EBF1: variants seen among roughly 807,000 people sequenced by gnomAD.
EBF1 encodes the protein EBF transcription factor 1, also known as transcription factor COE1.
EBF1 carries 10 observed loss-of-function variants against 68.4 expected under a neutral mutation model. That is an observed-to-expected ratio of 0.15 (90% CI 0.09 to 0.25). The LOEUF (loss-of-function observed/expected upper bound fraction) is 0.25, where lower values mean the gene tolerates loss of function less well. EBF1 is among the 10% of genes least tolerant of loss of function. The pLI is 1.00. For synonymous variants in EBF1, 298 were observed against 299.8 expected (o/e 0.99, Z 0.06); for missense variants, 509 against 794.4 (o/e 0.64, Z 4.32).
chr5:158,967,296 T>G (rs1754368442), intron 6 of EBF1, among the ~76,000 whole-genome samples: 1 of 152,200 alleles, frequency 6.6e-6, no homozygotes, highest in Admixed American at 6.5e-5. Flanking sequence ...ATTCTTATTT[T>G]GGAAAGGCTA....
chr5:159,008,874 T>C (rs1379105954), intron 6 of EBF1, among the ~76,000 whole-genome samples: 3 of 152,122 alleles, frequency 2.0e-5, no homozygotes, highest in Non-Finnish European at 4.4e-5. Flanking sequence ...CTATAACAAG[T>C]AATATTAGCA....
In EBF1 at chr5:159,079,993, C is replaced by T. The variant is rs542959867; in HGVS notation, c.485+4673G>A. Among the ~76,000 whole-genome samples the T allele has an allele frequency of 7.9e-5, 12 of 152,212 alleles. No homozygotes were observed. In the East Asian group the frequency reaches 9.7e-4, roughly 12 times the overall value. ...TAACACACCCTGCCTTCTTGCTAAG[C>T]GTGATTATTCCCCCCAAGAATATAG... is the stretch of plus-strand genomic sequence containing the variant. On this transcript the variant is annotated intron_variant, in intron 5 of 15. Coordinates refer to ENST00000313708, the MANE Select transcript of EBF1 (RefSeq NM_024007.5).
At chr5:159,001,268 T>A (rs1158162491) in intron 6 of EBF1, among the ~76,000 whole-genome samples, 2 of 152,166 alleles carry the variant, frequency 1.3e-5, no homozygotes, top group Non-Finnish European at 2.9e-5. Flanking sequence ...AGAAAGAAAT[T>A]TTTTTTAATT....
At chr5:158,727,560 C>G (rs1024388504) in intron 11 of EBF1, among the ~76,000 whole-genome samples, 1 of 152,208 alleles carries the variant, frequency 6.6e-6, no homozygotes, top group Non-Finnish European at 1.5e-5. Flanking sequence ...TGAAACAGAA[C>G]AGAATGCTGT....
intron 10 of EBF1, among the ~76,000 whole-genome samples, chr5:158,750,765 C>CA (rs562505161): frequency 4.2e-4 from 62 of 145,890 alleles, no homozygotes; most frequent in South Asian, 6.5e-4. Context: ...CTACCACTTG[C>CA]AAAAAAAAAT....
chr5:158,734,859 C>T (rs1764847113), intron 10 of EBF1, among the ~76,000 whole-genome samples: 1 of 152,108 alleles, frequency 6.6e-6, no homozygotes, highest in African/African-American at 2.4e-5. Flanking sequence ...GCTTGTGTGG[C>T]CCTGCTTCCA....
chr5:158,899,969 C>T (rs1311803183), intron 6 of EBF1, among the ~76,000 whole-genome samples: 1 of 152,136 alleles, frequency 6.6e-6, no homozygotes, highest in Non-Finnish European at 1.5e-5. Context: ...TGGATGGCAT[C>T]ATCGAACCCA....
intron 9 of EBF1, among the ~76,000 whole-genome samples, chr5:158,792,324 G>A (rs534383797): frequency 7.2e-5 from 11 of 152,266 alleles, no homozygotes; most frequent in Admixed American, 5.9e-4. Flanking sequence ...TTGGGAGCTC[G>A]CAGAAGGCAG....
chr5:159,001,716 T>C (rs1762580207), intron 6 of EBF1, among the ~76,000 whole-genome samples: 1 of 152,220 alleles, frequency 6.6e-6, no homozygotes, highest in South Asian at 2.1e-4. Context: ...CCAAAACAGA[T>C]GAAGGTTCCT....
intron 6 of EBF1, among the ~76,000 whole-genome samples, chr5:158,869,521 G>C (rs145017714): frequency 1.9e-4 from 28 of 151,168 alleles, no homozygotes; most frequent in Non-Finnish European, 2.9e-4. Context: ...CAAACATTCT[G>C]TTTTCCTATA....
rs1561992371 is a variant in EBF1 at position 159,089,815 on chromosome 5, G to GAAAGAAAGAAAGAAA, written c.412-5077_412-5076insTTTCTTTCTTTCTTT. On this transcript the variant is annotated intron_variant, in intron 4 of 15. Transcript: ENST00000313708. ...AAGAAAAGAAGAAAGAAAGAAAGAA[G>GAAAGAAAGAAAGAAA]GAAAGAAAGAAAGAAGAAAAGAAAA... Among the ~76,000 whole-genome samples, 5 of 137,296 alleles carry GAAAGAAAGAAAGAAA rather than the reference G, an allele frequency of 3.6e-5. No homozygotes were observed. In the Admixed American group the frequency reaches 3.7e-4, roughly 10 times the overall value. 90.1% of individuals were successfully genotyped at this position (137,296 alleles called of 152,430 possible). A position where few individuals can be genotyped will look rare whatever the true frequency, so the allele number is the denominator to read the frequency against.
intron 6 of EBF1, among the ~76,000 whole-genome samples, chr5:158,937,323 G>T (rs1321455907): frequency 6.6e-6 from 1 of 152,056 alleles, no homozygotes; most frequent in Non-Finnish European, 1.5e-5. Context: ...GGAAGCCTCG[G>T]ATTCATTCTG....
chr5:159,032,930 C>T (rs571180474), intron 6 of EBF1, among the ~76,000 whole-genome samples: 76 of 152,100 alleles, frequency 5.0e-4, no homozygotes, highest in African/African-American at 1.5e-3. Context: ...AGACTTAAAA[C>T]CTTGCTTAAA....
At chr5:158,821,676 C>T (rs1481792939) in intron 8 of EBF1, among the ~76,000 whole-genome samples, 3 of 152,122 alleles carry the variant, frequency 2.0e-5, no homozygotes, top group African/African-American at 7.2e-5. Flanking sequence ...CACACAATGC[C>T]TTAAGTGACT....
intron 6 of EBF1, among the ~76,000 whole-genome samples, chr5:158,874,631 T>A (rs540536055): frequency 1.3e-5 from 2 of 152,050 alleles, no homozygotes; most frequent in East Asian, 3.9e-4. Context: ...TGTAGACAGG[T>A]TTTTTTTAGA....
chr5:159,043,638 A>T (rs1771714889), intron 6 of EBF1, among the ~76,000 whole-genome samples: 1 of 151,058 alleles, frequency 6.6e-6, no homozygotes, highest in Non-Finnish European at 1.5e-5. Flanking sequence ...TTATTTAAAC[A>T]TCTCAAAGCA....
At chr5:158,755,487 G>A (rs142579374) in intron 10 of EBF1, among the ~76,000 whole-genome samples, 2 of 152,236 alleles carry the variant, frequency 1.3e-5, no homozygotes, top group East Asian at 1.9e-4. Context: ...ACCACACTTT[G>A]CACATAGTTG....
intron 2 of EBF1, 171 bp from the exon 3 acceptor site, chr5:159,096,577 G>A: frequency 2.9e-6 from 2 of 678,940 alleles, no homozygotes; most frequent in Non-Finnish European, 5.1e-6. Context: ...TCCGCCCCCT[G>A]TTCCTGACTG....
In EBF1 at chr5:158,696,993, A is replaced by C. The variant is rs893573613; in HGVS notation, c.*2118T>G. The stretch of plus-strand genomic sequence containing the variant: ...CAGTTACAATGTACAAGTGAAATGA[A>C]TATGATTTGCATTGTTAAGGCATCC... On this transcript the variant is annotated 3_prime_UTR_variant, in exon 16 of 16. Transcript: ENST00000313708. 2 of 192,546 alleles carry C rather than the reference A, an allele frequency of 1.0e-5. No individual in the cohort carries two copies. The highest frequency in any genetic ancestry group is 4.7e-5 in the African/African-American group (2 of 42,974). The allele number at this position is 192,546 out of a possible 1,614,324, so 11.9% of individuals were successfully genotyped here.
Sources: allele counts gnomAD v4.1 joint callset (sites outside exome capture counted in the v4.1 genomes callset), GRCh38; gene constraint gnomAD v4.1.1; transcripts MANE v1.5; gene names NCBI Gene and HGNC (gene_info 2026-07-23, HGNC 2026-07-21).